Variants in ACACA observed in about 807,000 individuals in gnomAD.
ACACA encodes acetyl-CoA carboxylase 1.
Under a neutral mutation model 296.1 loss-of-function variants are expected in ACACA, and 103 were observed. That is an observed-to-expected ratio of 0.35 (90% CI 0.30 to 0.41). The LOEUF (loss-of-function observed/expected upper bound fraction) is 0.41, where lower values mean the gene tolerates loss of function less well. Ranked by LOEUF, ACACA falls within the 10% of genes least tolerant of loss-of-function variation. The pLI, the probability that ACACA is intolerant of heterozygous loss-of-function variation, is 1.00. For synonymous variants in ACACA, 953 were observed against 1,038.6 expected (o/e 0.92, Z 1.58); for missense variants, 1,554 against 2,989.7 (o/e 0.52, Z 11.20).
At chr17:37,332,991 G>C (rs552993360) in intron 2 of ACACA, among the ~76,000 whole-genome samples, 1 of 151,664 alleles carries the variant, frequency 6.6e-6, no homozygotes, top group Non-Finnish European at 1.5e-5. Flanking sequence ...ACCTCAACTT[G>C]TATACTGATG....
chr17:37,252,488 T>G (rs764689474), intron 15 of ACACA, among the ~76,000 whole-genome samples: 4 of 152,188 alleles, frequency 2.6e-5, no homozygotes, highest in Middle Eastern at 6.3e-3. Flanking sequence ...ATCTAACGAT[T>G]TTATACAAAA....
intron 1 of ACACA, among the ~76,000 whole-genome samples, chr17:37,395,521 G>T (rs978667648): frequency 1.3e-5 from 2 of 151,602 alleles, no homozygotes; most frequent in Non-Finnish European, 2.9e-5. Flanking sequence ...TTTTAGAGGT[G>T]ACTAGAAGCT....
chr17:37,101,348 A>G (rs2073351080), intron 52 of ACACA, among the ~76,000 whole-genome samples: 1 of 152,252 alleles, frequency 6.6e-6, no homozygotes, highest in Non-Finnish European at 1.5e-5. Context: ...TCCAATGCAT[A>G]CAATCAATAA....
At chr17:37,091,141 TG>T (rs2072603837) in intron 54 of ACACA, among the ~76,000 whole-genome samples, 1 of 152,222 alleles carries the variant, frequency 6.6e-6, no homozygotes. Context: ...ACGAGATGCC[TG>T]CTTCCAACAA....
chr17:37,214,751 C>T (rs1005624242), intron 29 of ACACA, among the ~76,000 whole-genome samples: 11 of 152,218 alleles, frequency 7.2e-5, no homozygotes, highest in Non-Finnish European at 1.3e-4. Context: ...CTGCCAGATA[C>T]TTGCATCTTA....
chr17:37,303,146 C>T (rs1274775070), intron 3 of ACACA, among the ~76,000 whole-genome samples: 5 of 152,152 alleles, frequency 3.3e-5, no homozygotes, highest in African/African-American at 1.2e-4. Flanking sequence ...CCAGTAGCAG[C>T]CACTCCTCAT....
At chr17:37,356,674 G>A (rs1356930966) in intron 1 of ACACA, among the ~76,000 whole-genome samples, 2 of 152,064 alleles carry the variant, frequency 1.3e-5, no homozygotes, top group African/African-American at 4.8e-5. Context: ...CACCGCGCCC[G>A]GCAGCTTCTA....
intron 39 of ACACA, among the ~76,000 whole-genome samples, chr17:37,185,179 T>C (rs901558585): frequency 6.6e-6 from 1 of 152,190 alleles, no homozygotes; most frequent in Non-Finnish European, 1.5e-5. Context: ...TGAATTGAAC[T>C]GCACACACAA....
chr17:37,343,548 C>T (rs1159276326), intron 1 of ACACA, among the ~76,000 whole-genome samples: 2 of 151,706 alleles, frequency 1.3e-5, no homozygotes, highest in Admixed American at 6.6e-5. Flanking sequence ...AGGTGGATCA[C>T]GAGGTCAGGA....
At chr17:37,346,721 AAAG>A (rs1464269303) in intron 1 of ACACA, among the ~76,000 whole-genome samples, 42 of 151,720 alleles carry the variant, frequency 2.8e-4, no homozygotes, top group Middle Eastern at 3.4e-3. Flanking sequence ...AAAAAAAAAA[AAAG>A]ATTTGATTGC....
intron 35 of ACACA, 104 bp downstream of exon 35, chr17:37,200,035 G>A: frequency 1.2e-6 from 1 of 821,564 alleles, no homozygotes; most frequent in Non-Finnish European, 2.0e-6. Context: ...AAAGAAGAAG[G>A]ATCAAATATC....
intron 15 of ACACA, 50 bp downstream of exon 15, chr17:37,252,836 C>A: frequency 1.2e-6 from 2 of 1,606,956 alleles, no homozygotes; most frequent in Non-Finnish European, 1.7e-6. Context: ...ATTGAGTACA[C>A]AAGTCTATAA....
chr17:37,270,928 T>G, intron 9 of ACACA, 67 bp from the exon 10 acceptor site: 1 of 1,159,388 alleles, frequency 8.6e-7, no homozygotes, highest in Non-Finnish European at 1.3e-6. Flanking sequence ...AAAACTGGCA[T>G]TTTTCTCCCT....
chr17:37,291,395 C>CG (rs1240210593), intron 3 of ACACA, among the ~76,000 whole-genome samples: 1 of 151,970 alleles, frequency 6.6e-6, no homozygotes, highest in Non-Finnish European at 1.5e-5. Context: ...AGGCTGGTCT[C>CG]GAGCTCCCAA....
At chr17:37,356,695 T>C (rs1568046473) in intron 1 of ACACA, among the ~76,000 whole-genome samples, 1 of 152,148 alleles carries the variant, frequency 6.6e-6, no homozygotes, top group Non-Finnish European at 1.5e-5. Context: ...TAATTGTTAA[T>C]CTTTAAGAAC....
At chr17:37,167,696 CA>C (rs540610206) in intron 41 of ACACA, among the ~76,000 whole-genome samples, 8,367 of 75,590 alleles carry the variant, frequency 0.11, 204 homozygotes, top group Non-Finnish European at 0.15. Flanking sequence ...CAAAAACTGG[CA>C]AAAAAAAAAA....
intron 11 of ACACA, among the ~76,000 whole-genome samples, chr17:37,260,265 TATATATATATATATATATATATATATATA>T (rs2081397286): frequency 1.0e-4 from 2 of 19,092 alleles, no homozygotes; most frequent in Admixed American, 6.3e-4. Context: ...TATATATATA[TATATATATATATATATATATATATATATA>T]TATTTTTTTT....
At chr17:37,276,553 C>T (rs2082291993) in intron 7 of ACACA, among the ~76,000 whole-genome samples, 1 of 152,208 alleles carries the variant, frequency 6.6e-6, no homozygotes, top group Non-Finnish European at 1.5e-5. Context: ...TATATAACCT[C>T]TGTTTTTCTC....
At chr17:37,256,528 T>A (rs1180910656) in intron 14 of ACACA, among the ~76,000 whole-genome samples, 1 of 151,820 alleles carries the variant, frequency 6.6e-6, no homozygotes, top group African/African-American at 2.4e-5. Context: ...AGCCCAGGAG[T>A]TTAAGACTAG....
Sources: gnomAD v4.1 joint callset for allele counts (sites outside exome capture counted in the v4.1 genomes callset) on GRCh38, gnomAD v4.1.1 for gene constraint, MANE v1.5 for transcripts, NCBI Gene and HGNC (gene_info 2026-07-23, HGNC 2026-07-21) for gene names.